Variants in NMNAT2 observed in about 807,000 individuals in gnomAD.
NMNAT2 encodes nicotinamide/nicotinic acid mononucleotide adenylyltransferase 2.
Under a neutral mutation model 41.6 loss-of-function variants are expected in NMNAT2, and 11 were observed. The ratio of observed to expected loss-of-function variants is 0.26; its 90% CI spans 0.17 to 0.44. The LOEUF (loss-of-function observed/expected upper bound fraction) is 0.44. Ranked by LOEUF, NMNAT2 falls within the 20% of genes least tolerant of loss-of-function variation. NMNAT2 has a pLI of 1.00. For missense variants in NMNAT2, 288 were observed against 407.7 expected, an observed-to-expected ratio of 0.71 and a Z score of 2.53; for synonymous variants, 148 against 151.2, an observed-to-expected ratio of 0.98 and a Z score of 0.16.
chr1:183,273,798 T>G (rs1661046936), intron 8 of NMNAT2, among the ~76,000 whole-genome samples: 1 of 149,898 alleles, frequency 6.7e-6, no homozygotes, highest in Admixed American at 6.6e-5. Flanking sequence ...TTCCTCTCTC[T>G]CTTTCTCTCT....
At chr1:183,410,531 C>A (rs1649087526) in intron 1 of NMNAT2, among the ~76,000 whole-genome samples, 1 of 151,980 alleles carries the variant, frequency 6.6e-6, no homozygotes, top group Non-Finnish European at 1.5e-5. Context: ...TTGCCCATCA[C>A]CTTTCGAGGC....
chr1:183,346,355 T>C lies in NMNAT2; in HGVS notation c.86-52562A>G, dbSNP rs555249732. Among the ~76,000 whole-genome samples the C allele has an allele frequency of 3.3e-5, 5 of 152,300 alleles. No homozygotes were observed. In the East Asian group the frequency reaches 7.7e-4, roughly 24 times the overall value. On this transcript the variant is annotated intron_variant, in intron 1 of 10. Coordinates refer to ENST00000287713, the MANE Select transcript of NMNAT2 (RefSeq NM_015039.4). ...TTCGATTTCCCAGCCATAACCAACA[T>C]GTTGTCATCCCCAGTGACCCACAAC...
In NMNAT2 at chr1:183,250,059, G is replaced by A. The variant is rs973776251; in HGVS notation, c.*2582C>T. 3 of 152,096 alleles carry A rather than the reference G, an allele frequency of 2.0e-5. No individual in the cohort carries two copies. The highest frequency in any genetic ancestry group is 4.4e-5 in the Non-Finnish European group (3 of 68,088). 9.4% of individuals were successfully genotyped at this position (152,096 alleles called of 1,614,324 possible). A position where few individuals can be genotyped will look rare whatever the true frequency, so the allele number is the denominator to read the frequency against. ...AGTGGACCAAGAAACAAAAGAAATC[G>A]AGCCTTCCTCAGGTCTGCTCACGTG... On this transcript the variant is annotated 3_prime_UTR_variant, in exon 11 of 11. Transcript: ENST00000287713.
intron 1 of NMNAT2, among the ~76,000 whole-genome samples, chr1:183,396,745 G>A (rs1648662447): frequency 6.6e-6 from 1 of 152,116 alleles, no homozygotes; most frequent in Non-Finnish European, 1.5e-5. Context: ...CCTCTTCCAA[G>A]TGTACTTTAC....
intron 2 of NMNAT2, 92 bp from the exon 3 acceptor site, chr1:183,292,949 C>A: frequency 8.3e-7 from 1 of 1,205,938 alleles, no homozygotes; most frequent in Non-Finnish European, 1.2e-6. Context: ...TGTTAAAGTG[C>A]AGCCATTTTT....
At chr1:183,406,031 A>G (rs1168243889) in intron 1 of NMNAT2, among the ~76,000 whole-genome samples, 1 of 152,234 alleles carries the variant, frequency 6.6e-6, no homozygotes, top group Non-Finnish European at 1.5e-5. Context: ...GAATGTCAGG[A>G]CATTTTAACA....
intron 10 of NMNAT2, among the ~76,000 whole-genome samples, chr1:183,253,217 CTA>C (rs764284390): frequency 1.4e-4 from 20 of 147,212 alleles, no homozygotes; most frequent in Non-Finnish European, 2.7e-4. Flanking sequence ...TATAGTATAT[CTA>C]TGTTATATTA....
chr1:183,317,042 T>C (rs766119171), intron 1 of NMNAT2, among the ~76,000 whole-genome samples: 4 of 152,208 alleles, frequency 2.6e-5, no homozygotes, highest in Admixed American at 6.5e-5. Context: ...TACATTTTAA[T>C]AAGAGCCCCC....
intron 1 of NMNAT2, among the ~76,000 whole-genome samples, chr1:183,334,356 C>T (rs991832276): frequency 2.0e-5 from 3 of 152,046 alleles, no homozygotes; most frequent in Non-Finnish European, 2.9e-5. Context: ...CGTGAGCCAC[C>T]ATACCCGGCC....
intron 1 of NMNAT2, among the ~76,000 whole-genome samples, chr1:183,308,022 G>A (rs773388981): frequency 2.6e-5 from 4 of 152,202 alleles, no homozygotes; most frequent in Admixed American, 6.5e-5. Flanking sequence ...ATGCAGGAAC[G>A]TCAGGCTGGC....
chr1:183,299,258 C>T (rs1456050009), intron 1 of NMNAT2, among the ~76,000 whole-genome samples: 1 of 152,070 alleles, frequency 6.6e-6, no homozygotes, highest in Admixed American at 6.5e-5. Context: ...CACTTGTAAT[C>T]CCAGCTACTT....
chr1:183,380,908 G>A (rs1663790777), intron 1 of NMNAT2, among the ~76,000 whole-genome samples: 1 of 152,170 alleles, frequency 6.6e-6, no homozygotes, highest in African/African-American at 2.4e-5. Flanking sequence ...GGAGCCAGAG[G>A]AGGTTTTCAG....
At chr1:183,304,047 A>G (rs964228200) in intron 1 of NMNAT2, among the ~76,000 whole-genome samples, 1 of 152,200 alleles carries the variant, frequency 6.6e-6, no homozygotes, top group African/African-American at 2.4e-5. Context: ...CCAATGCACT[A>G]TGGAGTCAGC....
At chr1:183,262,822 G>C (rs1422267379) in intron 8 of NMNAT2, among the ~76,000 whole-genome samples, 1 of 152,190 alleles carries the variant, frequency 6.6e-6, no homozygotes, top group Non-Finnish European at 1.5e-5. Flanking sequence ...TTTAGATCTT[G>C]CCAATTACGG....
intron 1 of NMNAT2, among the ~76,000 whole-genome samples, chr1:183,310,216 G>T (rs1489097741): frequency 6.6e-6 from 1 of 152,182 alleles, no homozygotes; most frequent in African/African-American, 2.4e-5. Context: ...ATTTCTAATT[G>T]TTCAAAGAAC....
chr1:183,301,247 G>T (rs1299975958), intron 1 of NMNAT2, among the ~76,000 whole-genome samples: 1 of 152,212 alleles, frequency 6.6e-6, no homozygotes, highest in Non-Finnish European at 1.5e-5. Flanking sequence ...CAAGGCTGCA[G>T]GTCTGCAGAT....
intron 1 of NMNAT2, among the ~76,000 whole-genome samples, chr1:183,415,664 TA>T (rs1649232515): frequency 6.6e-6 from 1 of 152,214 alleles, no homozygotes; most frequent in African/African-American, 2.4e-5. Flanking sequence ...AAAATAAGGG[TA>T]ATAATGTTTT....
chr1:183,417,613 A>G (rs1571649539), intron 1 of NMNAT2, among the ~76,000 whole-genome samples: 2 of 152,272 alleles, frequency 1.3e-5, no homozygotes. Context: ...ACGGCCCACA[A>G]TTCCCAAACA....
intron 10 of NMNAT2, among the ~76,000 whole-genome samples, chr1:183,255,356 T>G (rs1042881428): frequency 4.2e-4 from 64 of 152,324 alleles, no homozygotes; most frequent in African/African-American, 1.5e-3. Context: ...GTGTGATGCC[T>G]CCAACTTTTT....
Sources: allele counts gnomAD v4.1 joint callset (sites outside exome capture counted in the v4.1 genomes callset), GRCh38; gene constraint gnomAD v4.1.1; transcripts MANE v1.5; gene names NCBI Gene and HGNC (gene_info 2026-07-23, HGNC 2026-07-21).